Variants in PPP2R5E observed in about 807,000 individuals in gnomAD.
PPP2R5E encodes protein phosphatase 2 regulatory subunit B'epsilon, also known as serine/threonine-protein phosphatase 2A 56 kDa regulatory subunit epsilon isoform.
A neutral mutation model predicts 65.3 loss-of-function variants in PPP2R5E; 4 were observed. The ratio of observed to expected loss-of-function variants is 0.06; its 90% CI spans 0.03 to 0.14. PPP2R5E has a LOEUF of 0.14. Ranked by LOEUF, PPP2R5E falls within the 10% of genes least tolerant of loss-of-function variation. The pLI is 1.00. For synonymous variants in PPP2R5E, 183 were observed against 187.4 expected (o/e 0.98, Z 0.19); for missense variants, 274 against 556.1 (o/e 0.49, Z 5.10).
At chr14:63,442,186 C>T (rs144879942) in intron 3 of PPP2R5E, among the ~76,000 whole-genome samples, 23 of 152,248 alleles carry the variant, frequency 1.5e-4, no homozygotes, top group African/African-American at 4.1e-4. Context: ...TGGGAGATCT[C>T]ATTATCATAT....
At chr14:63,449,963 C>T (rs189131105) in intron 3 of PPP2R5E, among the ~76,000 whole-genome samples, 43 of 150,854 alleles carry the variant, frequency 2.9e-4, no homozygotes, top group Non-Finnish European at 4.9e-4. Context: ...GCAACCTCCA[C>T]CACCCAGGTT....
chr14:63,538,435 A>G (rs1406176021), intron 2 of PPP2R5E, among the ~76,000 whole-genome samples: 1 of 151,302 alleles, frequency 6.6e-6, no homozygotes. Flanking sequence ...TTGTATTTTT[A>G]GAAGAGACAG....
At chr14:63,461,176 G>A (rs945414897) in intron 2 of PPP2R5E, among the ~76,000 whole-genome samples, 5 of 152,182 alleles carry the variant, frequency 3.3e-5, no homozygotes, top group African/African-American at 1.2e-4. Flanking sequence ...CTTATTTCCA[G>A]GGCAGTAATG....
Position 63,531,549 on chromosome 14 carries a change from A to C in PPP2R5E, c.157+7980T>G, listed in dbSNP as rs532369194. On this transcript the variant is annotated intron_variant, in intron 2 of 13. Coordinates refer to ENST00000337537, the MANE Select transcript of PPP2R5E (RefSeq NM_006246.5). ...CAAGATCTTAAAATTGCTTCCCCCC[A>C]AAAAAATTATTACCACACTTTTTCA... is the stretch of plus-strand genomic sequence containing the variant. 3.3e-5 allele frequency among the ~76,000 whole-genome samples: 5 copies of C among 152,232 alleles called. No homozygotes were observed. In the East Asian group the frequency reaches 7.7e-4, roughly 23 times the overall value.
At chr14:63,391,698 C>G (rs1885033233) in intron 10 of PPP2R5E, 119 bp downstream of exon 10, 3 of 1,094,338 alleles carry the variant, frequency 2.7e-6, no homozygotes, top group Admixed American at 2.2e-5. Flanking sequence ...GCTGGGATTA[C>G]AGGCATGAGC....
At chr14:63,434,182 T>C (rs1407633027) in intron 3 of PPP2R5E, among the ~76,000 whole-genome samples, 4 of 151,918 alleles carry the variant, frequency 2.6e-5, no homozygotes, top group African/African-American at 9.7e-5. Flanking sequence ...AGTAATTTAA[T>C]TTGCTTATGC....
intron 2 of PPP2R5E, among the ~76,000 whole-genome samples, chr14:63,459,779 G>T (rs1448490106): frequency 1.3e-5 from 2 of 152,176 alleles, no homozygotes; most frequent in African/African-American, 2.4e-5. Context: ...CGTTTTTAAA[G>T]TAAGCACTCT....
intron 2 of PPP2R5E, among the ~76,000 whole-genome samples, chr14:63,467,657 C>G (rs1889905060): frequency 1.3e-5 from 2 of 152,216 alleles, no homozygotes. Flanking sequence ...TCTGGAAAAA[C>G]ATCACAGAAA....
intron 3 of PPP2R5E, among the ~76,000 whole-genome samples, chr14:63,450,166 G>A (rs916160728): frequency 1.3e-5 from 2 of 152,148 alleles, no homozygotes; most frequent in Non-Finnish European, 2.9e-5. Context: ...GTGAGCCACC[G>A]CGCCCAGCGC....
chr14:63,395,084 GA>G, intron 7 of PPP2R5E, 141 bp downstream of exon 7: 1 of 649,482 alleles, frequency 1.5e-6, no homozygotes, highest in Non-Finnish European at 2.7e-6. Flanking sequence ...GAGTCAGCTG[GA>G]AAATATGCTA....
At chr14:63,495,417 C>CAAAAA (rs772700927) in intron 2 of PPP2R5E, among the ~76,000 whole-genome samples, 5 of 93,236 alleles carry the variant, frequency 5.4e-5, no homozygotes, top group Non-Finnish European at 6.9e-5. Flanking sequence ...ACTAAAAATA[C>CAAAAA]AAAAAAAAAA....
chr14:63,530,226 G>GTTT (rs555112537), intron 2 of PPP2R5E, among the ~76,000 whole-genome samples: 7,505 of 99,330 alleles, frequency 0.076, 473 homozygotes, highest in East Asian at 0.093. Context: ...AAATTTTTCC[G>GTTT]TTTTTTTTTT....
At chr14:63,408,013 A>T (rs1023178125) in intron 5 of PPP2R5E, among the ~76,000 whole-genome samples, 7 of 152,230 alleles carry the variant, frequency 4.6e-5, no homozygotes, top group Non-Finnish European at 1.5e-5. Flanking sequence ...CAAAAGAACT[A>T]AGACAAAAAT....
intron 11 of PPP2R5E, among the ~76,000 whole-genome samples, chr14:63,388,008 AT>A: frequency 6.6e-6 from 1 of 152,264 alleles, no homozygotes; most frequent in South Asian, 2.1e-4. Flanking sequence ...GAGAAAATAA[AT>A]GTCGTTTAAG....
intron 2 of PPP2R5E, among the ~76,000 whole-genome samples, chr14:63,495,665 T>C (rs1566743556): frequency 6.6e-6 from 1 of 151,696 alleles, no homozygotes; most frequent in African/African-American, 2.4e-5. Flanking sequence ...TTTCTTTTCT[T>C]TTTTTTTGGC....
intron 2 of PPP2R5E, among the ~76,000 whole-genome samples, chr14:63,524,733 G>A (rs977742636): frequency 2.0e-5 from 3 of 152,090 alleles, no homozygotes; most frequent in Admixed American, 2.0e-4. Flanking sequence ...CCAGCTCCCC[G>A]GCCTGGCCAG....
At chr14:63,426,654 A>G (rs1245314901) in intron 3 of PPP2R5E, among the ~76,000 whole-genome samples, 2 of 150,554 alleles carry the variant, frequency 1.3e-5, no homozygotes, top group African/African-American at 2.4e-5. Flanking sequence ...ACTGCTGTCA[A>G]GCGAGAGTTA....
At chr14:63,521,255 A>G (rs1340606665) in intron 2 of PPP2R5E, among the ~76,000 whole-genome samples, 1 of 152,234 alleles carries the variant, frequency 6.6e-6, no homozygotes, top group African/African-American at 2.4e-5. Context: ...ATATAATACA[A>G]TATAGCTCTA....
chr14:63,417,882 T>C (rs1886787403), intron 4 of PPP2R5E, among the ~76,000 whole-genome samples: 2 of 152,162 alleles, frequency 1.3e-5, no homozygotes, highest in Non-Finnish European at 2.9e-5. Context: ...AGCACTGTTA[T>C]AAAGGTAGTT....
Sources: allele counts gnomAD v4.1 joint callset (sites outside exome capture counted in the v4.1 genomes callset), GRCh38; gene constraint gnomAD v4.1.1; transcripts MANE v1.5; gene names NCBI Gene and HGNC (gene_info 2026-07-23, HGNC 2026-07-21).